Variants in SIAH3 observed in about 807,000 individuals in gnomAD.
The protein encoded by SIAH3 is seven in absentia homolog 3.
SIAH3 carries 9 observed loss-of-function variants against 12.6 expected under a neutral mutation model. The ratio of observed to expected loss-of-function variants is 0.72; its 90% CI spans 0.43 to 1.25. The LOEUF is 1.25. Ranked by LOEUF, SIAH3 falls within the 50% of genes most tolerant of loss-of-function variation. The pLI, the probability that SIAH3 is intolerant of heterozygous loss-of-function variation, is 0.00. For synonymous variants in SIAH3, 154 were observed against 151.1 expected (o/e 1.02, Z -0.14); for missense variants, 390 against 365.4 (o/e 1.07, Z -0.55).
chr13:45,801,349 A>T (rs1453199019), intron 1 of SIAH3, among the ~76,000 whole-genome samples: 2 of 152,180 alleles, frequency 1.3e-5, no homozygotes, highest in Non-Finnish European at 2.9e-5. Flanking sequence ...AAGACAGAGG[A>T]CATCCCTGAA....
chr13:45,847,344 C>T (rs1202961438), intron 1 of SIAH3, among the ~76,000 whole-genome samples: 6 of 152,274 alleles, frequency 3.9e-5, no homozygotes, highest in South Asian at 2.1e-4. Flanking sequence ...TAGCAAACCC[C>T]GGGGCAGCAC....
intron 1 of SIAH3, among the ~76,000 whole-genome samples, chr13:45,793,441 A>T (rs1387221892): frequency 1.3e-5 from 2 of 152,152 alleles, no homozygotes; most frequent in Non-Finnish European, 1.5e-5. Flanking sequence ...TCCTTATTCT[A>T]ACTAGGACAG....
intron 1 of SIAH3, among the ~76,000 whole-genome samples, chr13:45,808,297 T>C (rs1261429743): frequency 2.0e-5 from 3 of 152,216 alleles, no homozygotes; most frequent in Non-Finnish European, 4.4e-5. Flanking sequence ...ATTACAGAAA[T>C]AGTCTTTTAG....
chr13:45,804,287 T>C (rs941107456), intron 1 of SIAH3, among the ~76,000 whole-genome samples: 4 of 152,092 alleles, frequency 2.6e-5, no homozygotes, highest in Non-Finnish European at 5.9e-5. Flanking sequence ...AGATAAACCT[T>C]GAAAACATTA....
intron 1 of SIAH3, among the ~76,000 whole-genome samples, chr13:45,814,795 G>A (rs113028936): frequency 1.3e-3 from 199 of 151,400 alleles, no homozygotes; most frequent in Non-Finnish European, 2.4e-3. Context: ...GTGCGATCTC[G>A]CACTGCAACC....
chr13:45,826,719 T>C (rs1950679232), intron 1 of SIAH3, among the ~76,000 whole-genome samples: 2 of 152,136 alleles, frequency 1.3e-5, no homozygotes, highest in Non-Finnish European at 2.9e-5. Flanking sequence ...GAGTTTACAG[T>C]CCAGGAGGGA....
intron 1 of SIAH3, among the ~76,000 whole-genome samples, chr13:45,844,989 G>A (rs77821986): frequency 0.014 from 2,115 of 152,256 alleles, 41 homozygotes; most frequent in African/African-American, 0.048. Context: ...CGACTGTTTC[G>A]AAGATTATAG....
intron 1 of SIAH3, among the ~76,000 whole-genome samples, chr13:45,835,354 C>A (rs893518063): frequency 6.6e-6 from 1 of 152,166 alleles, no homozygotes; most frequent in Non-Finnish European, 1.5e-5. Flanking sequence ...ACAGTAGATT[C>A]TTTTCTCTCC....
At chr13:45,818,863 G>A (rs1196339070) in intron 1 of SIAH3, among the ~76,000 whole-genome samples, 2 of 152,118 alleles carry the variant, frequency 1.3e-5, no homozygotes, top group Non-Finnish European at 2.9e-5. Context: ...CAGCGGTGGG[G>A]GCCATCATCA....
intron 1 of SIAH3, among the ~76,000 whole-genome samples, chr13:45,829,166 C>T (rs1277544720): frequency 6.6e-6 from 1 of 152,192 alleles, no homozygotes; most frequent in Non-Finnish European, 1.5e-5. Context: ...GGATCAGTAA[C>T]TTGGCTCAAG....
chr13:45,849,206 G>T (rs919258736), intron 1 of SIAH3, among the ~76,000 whole-genome samples: 3 of 152,180 alleles, frequency 2.0e-5, no homozygotes, highest in Admixed American at 2.0e-4. Context: ...GGGGGCATTA[G>T]CAGCACTCAA....
At chr13:45,803,018 GCTGAGATCGCTCA>G (rs1950587432) in intron 1 of SIAH3, among the ~76,000 whole-genome samples, 1 of 152,120 alleles carries the variant, frequency 6.6e-6, no homozygotes, top group South Asian at 2.1e-4. Flanking sequence ...GTTGTAGTGA[GCTGAGATCGCTCA>G]CTGCACTCCA....
chr13:45,843,401 A>C (rs1337701665), intron 1 of SIAH3, among the ~76,000 whole-genome samples: 1 of 152,134 alleles, frequency 6.6e-6, no homozygotes, highest in African/African-American at 2.4e-5. Flanking sequence ...TCACAGAGCC[A>C]CCTACCCACG....
At chr13:45,819,158 T>C (rs1482104988) in intron 1 of SIAH3, among the ~76,000 whole-genome samples, 1 of 152,090 alleles carries the variant, frequency 6.6e-6, no homozygotes, top group African/African-American at 2.4e-5. Flanking sequence ...GAGAGGCCAG[T>C]GTAGAAAGTC....
intron 1 of SIAH3, among the ~76,000 whole-genome samples, chr13:45,800,708 A>C (rs994541136): frequency 2.6e-5 from 4 of 152,216 alleles, no homozygotes; most frequent in African/African-American, 9.7e-5. Context: ...CTTGCTAGGA[A>C]GAGGACAAAT....
Position 45,797,075 on chromosome 13 carries a change from C to A in SIAH3, c.136-13018G>T, listed in dbSNP as rs529263916. Among the ~76,000 whole-genome samples, 3 of 151,876 alleles carry A rather than the reference C, an allele frequency of 2.0e-5. No individual in the cohort carries two copies. The East Asian group carries it at 5.8e-4, about 29-fold the overall frequency. On this transcript the variant is annotated intron_variant, in intron 1 of 1. Coordinates refer to ENST00000400405, the MANE Select transcript of SIAH3 (RefSeq NM_198849.3). ...ATAGTCACTGAGTATCTCTAAGGAACAAGTTTATTAGTGTCTGCTAAGATA... is the reference window on the plus strand; with the variant it reads ...ATAGTCACTGAGTATCTCTAAGGAAAAAGTTTATTAGTGTCTGCTAAGATA...
At chr13:45,846,246 T>C (rs1950759906) in intron 1 of SIAH3, among the ~76,000 whole-genome samples, 1 of 151,896 alleles carries the variant, frequency 6.6e-6, no homozygotes, top group African/African-American at 2.4e-5. Context: ...CCCGCCACCA[T>C]GCCCAGCTAA....
rs73472525 is a variant in SIAH3, at chr13:45,824,631, G to A, written c.135+26864C>T. ...AGGTGGAGTTGAAAACCACTGTGGG[G>A]AAAGAGACCAGTGCTAAATGTCTTT... On this transcript the variant is annotated intron_variant, in intron 1 of 1. Transcript: ENST00000400405. Among the ~76,000 whole-genome samples the A allele has an allele frequency of 2.0e-5, 3 of 152,276 alleles. No individual in the cohort carries two copies. The South Asian group carries it at 6.2e-4, about 32-fold the overall frequency.
chr13:45,850,176 G>C (rs1950774932), intron 1 of SIAH3, among the ~76,000 whole-genome samples: 1 of 152,150 alleles, frequency 6.6e-6, no homozygotes, highest in Non-Finnish European at 1.5e-5. Context: ...TGCACCATAG[G>C]GGTCCCAGGA....
Sources: allele counts gnomAD v4.1 joint callset (sites outside exome capture counted in the v4.1 genomes callset), GRCh38; gene constraint gnomAD v4.1.1; transcripts MANE v1.5; gene names NCBI Gene and HGNC (gene_info 2026-07-23, HGNC 2026-07-21).